The following SLC4A7 variants were observed in gnomAD, a reference collection of about 807,000 sequenced individuals.
SLC4A7 encodes the protein sodium bicarbonate cotransporter 3.
In SLC4A7, 51 loss-of-function variants were observed where a neutral mutation model predicts 137.6. The ratio of observed to expected loss-of-function variants is 0.37; its 90% CI spans 0.30 to 0.47. The LOEUF (loss-of-function observed/expected upper bound fraction) is 0.47, where lower values mean the gene tolerates loss of function less well. Among genes scored for constraint, SLC4A7 ranks in the 20% least tolerant of loss-of-function variants. The pLI is 1.00. For synonymous variants in SLC4A7, 542 were observed against 518.6 expected (o/e 1.05, Z -0.61); for missense variants, 1,247 against 1,525.4 (o/e 0.82, Z 3.04).
At chr3:27,454,158 A>T (rs1035539034) in intron 1 of SLC4A7, among the ~76,000 whole-genome samples, 1 of 152,130 alleles carries the variant, frequency 6.6e-6, no homozygotes, top group Admixed American at 6.5e-5. Flanking sequence ...TTATTTAATA[A>T]AATTTTTAAT....
chr3:27,441,481 T>A (rs2057188868), intron 3 of SLC4A7, among the ~76,000 whole-genome samples: 1 of 152,150 alleles, frequency 6.6e-6, no homozygotes, highest in African/African-American at 2.4e-5. Flanking sequence ...ATGTCTTTAA[T>A]CCATTTCTTC....
chr3:27,393,007 G>A (rs1422331212), intron 20 of SLC4A7, among the ~76,000 whole-genome samples: 1 of 152,030 alleles, frequency 6.6e-6, no homozygotes, highest in South Asian at 2.1e-4. Context: ...GGGGAGGAGG[G>A]ATAAGAATAT....
chr3:27,481,668 G>A (rs1265518465), intron 1 of SLC4A7, among the ~76,000 whole-genome samples: 1 of 152,132 alleles, frequency 6.6e-6, no homozygotes, highest in Non-Finnish European at 1.5e-5. Context: ...CTATATGCTA[G>A]TTTACTGTAT....
intron 13 of SLC4A7, among the ~76,000 whole-genome samples, chr3:27,407,439 C>T (rs2053489370): frequency 6.6e-6 from 1 of 150,454 alleles, no homozygotes; most frequent in South Asian, 2.1e-4. Context: ...GAGATCGCGC[C>T]ACTGCACTCC....
intron 5 of SLC4A7, among the ~76,000 whole-genome samples, chr3:27,434,553 T>C (rs973782694): frequency 6.6e-6 from 1 of 152,060 alleles, no homozygotes; most frequent in African/African-American, 2.4e-5. Flanking sequence ...AATACAGCAA[T>C]TTAAAAATAA....
chr3:27,458,158 C>A (rs532882177), intron 1 of SLC4A7, among the ~76,000 whole-genome samples: 1 of 152,262 alleles, frequency 6.6e-6, no homozygotes, highest in South Asian at 2.1e-4. Context: ...TAAAGCAATA[C>A]ACAAAGGCAA....
intron 2 of SLC4A7, among the ~76,000 whole-genome samples, chr3:27,449,635 TA>T (rs2057928224): frequency 6.6e-6 from 1 of 152,064 alleles, no homozygotes; most frequent in African/African-American, 2.4e-5. Context: ...TGCAGTATAA[TA>T]ACAAAATAGT....
At chr3:27,408,645 AT>A (rs1370824927) in intron 13 of SLC4A7, among the ~76,000 whole-genome samples, 2 of 152,250 alleles carry the variant, frequency 1.3e-5, no homozygotes, top group African/African-American at 4.8e-5. Context: ...AAATCGTCTC[AT>A]TTAAATGCCA....
chr3:27,444,670 T>C (rs558446864), intron 3 of SLC4A7, among the ~76,000 whole-genome samples: 2 of 152,334 alleles, frequency 1.3e-5, no homozygotes, highest in South Asian at 4.1e-4. Context: ...CTTCCTCCTA[T>C]TTTCAATAGC....
rs923114517 is a variant in SLC4A7, at chr3:27,373,554, T to C, written c.*3210A>G. ...ATCAATGGCTTACACAGTTGAAATC[T>C]GAGCACTTTAAAACAGGATTCACAT... On this transcript the variant is annotated 3_prime_UTR_variant, in exon 26 of 26. Transcript: ENST00000454389. 6 of 152,194 alleles carry C rather than the reference T, an allele frequency of 3.9e-5. No individual in the cohort carries two copies. Among genetic ancestry groups the C allele is most frequent in the Admixed American group, 1.3e-4 (2 of 15,276 alleles). 9.4% of individuals were successfully genotyped at this position (152,194 alleles called of 1,614,324 possible).
chr3:27,461,669 A>G (rs1482171719), intron 1 of SLC4A7, among the ~76,000 whole-genome samples: 1 of 151,800 alleles, frequency 6.6e-6, no homozygotes, highest in Non-Finnish European at 1.5e-5. Context: ...GATTAGGAAT[A>G]TGAACCATGG....
At chr3:27,401,760 T>C (rs2052765976) in intron 15 of SLC4A7, among the ~76,000 whole-genome samples, 1 of 152,254 alleles carries the variant, frequency 6.6e-6, no homozygotes, top group Non-Finnish European at 1.5e-5. Flanking sequence ...GTAATTCACA[T>C]GTTAATTACC....
chr3:27,379,308 T>C lies in SLC4A7; in HGVS notation c.3639A>G (p.Ala1213=). 3 of 1,536,020 alleles carry C rather than the reference T, an allele frequency of 2.0e-6. No individual in the cohort carries two copies. Among genetic ancestry groups the C allele is most frequent in the Non-Finnish European group, 8.7e-7 (1 of 1,146,592 alleles). ...TATTCATGGAAAGTGCCTTCCACTGTGCAGTTTTGGCCATTTCATCTGATA... is the reference window on the plus strand; with the variant it reads ...TATTCATGGAAAGTGCCTTCCACTGCGCAGTTTTGGCCATTTCATCTGATA... ...VNISDEMAKT[A]QWKALSMNTE... is the part of the protein sequence containing the mutation. Residue 1213 remains alanine, a synonymous_variant, in exon 25 of 26, where the codon GCA becomes GCG. Coordinates refer to ENST00000454389, the MANE Select transcript of SLC4A7 (RefSeq NM_001321103.2).
chr3:27,433,520 G>C (rs1224035582), intron 6 of SLC4A7, among the ~76,000 whole-genome samples: 1 of 152,060 alleles, frequency 6.6e-6, no homozygotes, highest in African/African-American at 2.4e-5. Flanking sequence ...ACACCAACTA[G>C]GTCACCCTTA....
At position 27,431,581 on chromosome 3, in the gene SLC4A7, A is replaced by T; in HGVS notation, c.867T>A (p.Leu289=). 6.2e-7 allele frequency: 1 copy of T among 1,614,126 alleles called. No homozygotes were observed. The highest frequency in any genetic ancestry group is 8.5e-7 in the Non-Finnish European group (1 of 1,179,996). Residue 289 remains leucine, a synonymous_variant, in exon 7 of 26, where the codon CTT becomes CTA. Transcript: ENST00000454389. ...LSLRGESPLS[L]LLGHLLPSSR... is the part of the protein sequence containing the mutation. The stretch of plus-strand genomic sequence containing the variant: ...AAGAAGGAAGAAGATGACCAAGAAG[A>T]AGAGATAAAGGTGATTCTCCTCTCA...
At chr3:27,425,354 G>C (rs1477790191) in intron 7 of SLC4A7, among the ~76,000 whole-genome samples, 1 of 116,992 alleles carries the variant, frequency 8.5e-6, no homozygotes, top group Non-Finnish European at 1.7e-5. Context: ...TGGGCAACGA[G>C]AGAGAAACTC....
chr3:27,398,570 G>A lies in SLC4A7; in HGVS notation c.2428-217C>T, dbSNP rs113201611. Among the ~76,000 whole-genome samples the A allele has an allele frequency of 3.5e-3, 530 of 152,172 alleles. 1 individual carries two copies. The highest frequency in any genetic ancestry group is 0.012 in the African/African-American group (493 of 41,508). ...CAAGATATTATAATTTGAAAAATAC[G>A]TGCATCTCAAATCACTAAAATACAG... is the stretch of plus-strand genomic sequence containing the variant. On this transcript the variant is annotated intron_variant, in intron 16 of 25. Coordinates refer to ENST00000454389, the MANE Select transcript of SLC4A7 (RefSeq NM_001321103.2).
chr3:27,462,268 T>C (rs1441961465), intron 1 of SLC4A7, among the ~76,000 whole-genome samples: 1 of 152,134 alleles, frequency 6.6e-6, no homozygotes, highest in Non-Finnish European at 1.5e-5. Flanking sequence ...CAGCATACAT[T>C]TGGTGCAGCA....
intron 1 of SLC4A7, among the ~76,000 whole-genome samples, chr3:27,462,078 A>T (rs551981978): frequency 2.2e-4 from 31 of 144,040 alleles, no homozygotes; most frequent in Non-Finnish European, 6.3e-5. Context: ...AGATTAGCAA[A>T]ACAAATTTTT....
Sources: allele counts gnomAD v4.1 joint callset (sites outside exome capture counted in the v4.1 genomes callset), GRCh38; gene constraint gnomAD v4.1.1; transcripts MANE v1.5; gene names NCBI Gene and HGNC (gene_info 2026-07-23, HGNC 2026-07-21).